The following GNA13 variants were observed in gnomAD, a reference collection of about 807,000 sequenced individuals.
GNA13 encodes the protein G protein subunit alpha 13, also known as guanine nucleotide-binding protein subunit alpha-13.
A neutral mutation model predicts 33.5 loss-of-function variants in GNA13; 4 were observed. That is an observed-to-expected ratio of 0.12 (90% CI 0.06 to 0.27). The LOEUF is 0.27. Ranked by LOEUF, GNA13 falls within the 10% of genes least tolerant of loss-of-function variation. The probability of loss-of-function intolerance (pLI) is 1.00; values close to 1 mark genes in which losing one functional copy is unlikely to be tolerated. For missense variants in GNA13, 319 were observed against 487.2 expected (o/e 0.65, Z 3.25); for synonymous variants, 176 against 183.8 (o/e 0.96, Z 0.34).
intron 2 of GNA13, among the ~76,000 whole-genome samples, chr17:65,039,880 A>T (rs1481183215): frequency 6.6e-6 from 1 of 152,216 alleles, no homozygotes; most frequent in East Asian, 1.9e-4. Context: ...GGCTGCTGAA[A>T]GCTACCAGTG....
intron 2 of GNA13, among the ~76,000 whole-genome samples, chr17:65,046,880 A>G (rs960937163): frequency 2.6e-5 from 4 of 152,202 alleles, no homozygotes; most frequent in African/African-American, 9.7e-5. Flanking sequence ...AGAAAGCAGC[A>G]CAGTATTTTC....
intron 2 of GNA13, among the ~76,000 whole-genome samples, chr17:65,027,658 AAT>A (rs1030054934): frequency 2.6e-5 from 4 of 152,300 alleles, no homozygotes; most frequent in African/African-American, 9.6e-5. Flanking sequence ...AGTGTTAAAT[AAT>A]ATATATGTTT....
chr17:65,026,934 A>G (rs997828800), intron 2 of GNA13, among the ~76,000 whole-genome samples: 1 of 152,106 alleles, frequency 6.6e-6, no homozygotes, highest in Non-Finnish European at 1.5e-5. Context: ...ATGAGCCACC[A>G]TGACCAGTTA....
intron 2 of GNA13, 44 bp from the exon 3 acceptor site, chr17:65,018,347 G>A (rs768130489): frequency 1.0e-6 from 1 of 956,600 alleles, no homozygotes; most frequent in Admixed American, 1.7e-5. Flanking sequence ...GCTTAGAAAT[G>A]GAAGATCTTG....
chr17:65,055,890 A>C, intron 1 of GNA13: 2 of 289,802 alleles, frequency 6.9e-6, no homozygotes, highest in South Asian at 1.3e-4. Context: ...TTCGGCCCAC[A>C]TCGCCCGAGC....
intron 2 of GNA13, among the ~76,000 whole-genome samples, chr17:65,024,299 T>C (rs895468662): frequency 6.6e-6 from 1 of 152,222 alleles, no homozygotes; most frequent in Non-Finnish European, 1.5e-5. Flanking sequence ...TGTGAAAATA[T>C]ATTTTCAAGG....
In GNA13 at chr17:65,009,921, A is replaced by G. The variant is rs1433494464; in HGVS notation, c.*4336T>C. Among the ~76,000 whole-genome samples the G allele has an allele frequency of 6.6e-6, 1 of 152,222 alleles. No homozygotes were observed. Among genetic ancestry groups the G allele is most frequent in the Non-Finnish European group, 1.5e-5 (1 of 68,042 alleles). On this transcript the variant is annotated 3_prime_UTR_variant, in exon 4 of 4. Coordinates refer to ENST00000439174, the MANE Select transcript of GNA13 (RefSeq NM_006572.6). ...CTTTCTTAACACAAACCAAAGTCACATACCAAGTAGTATATGACGTTCAGT... is the reference window on the plus strand; with the variant it reads ...CTTTCTTAACACAAACCAAAGTCACGTACCAAGTAGTATATGACGTTCAGT...
At chr17:65,050,064 A>G (rs553706673) in intron 2 of GNA13, among the ~76,000 whole-genome samples, 4 of 152,336 alleles carry the variant, frequency 2.6e-5, no homozygotes, top group East Asian at 1.9e-4. Context: ...TAAGCTAGCT[A>G]GAGTCTTTAC....
In GNA13 at chr17:65,011,055, AAAGCATAAATAC is replaced by A. The variant is rs1906170225; in HGVS notation, c.*3190_*3201del. The A allele has an allele frequency of 4.9e-6, 1 of 204,090 alleles. No homozygotes were observed. Among genetic ancestry groups the A allele is most frequent in the Admixed American group, 5.9e-5 (1 of 16,814 alleles). 12.6% of individuals were successfully genotyped at this position (204,090 alleles called of 1,614,324 possible). ...TTAATGCTGAAAATACATTTTATCA[AAAGCATAAATAC>A]AAGTATTTGGGTACACATTGAAAGT... On this transcript the variant is annotated 3_prime_UTR_variant, in exon 4 of 4. Coordinates refer to ENST00000439174, the MANE Select transcript of GNA13 (RefSeq NM_006572.6).
chr17:65,031,562 A>G (rs980196600), intron 2 of GNA13, among the ~76,000 whole-genome samples: 4 of 152,226 alleles, frequency 2.6e-5, no homozygotes, highest in African/African-American at 7.2e-5. Flanking sequence ...ATACTTAATC[A>G]CAACTGTGAG....
In GNA13 at chr17:65,013,498, A is replaced by G. The variant is rs1392225358; in HGVS notation, c.*759T>C. ...TTTCACATATGGTACATTAAACTAC[A>G]TGATAATTAAATATGAGAAAGGCAA... On this transcript the variant is annotated 3_prime_UTR_variant, in exon 4 of 4. Coordinates refer to ENST00000439174, the MANE Select transcript of GNA13 (RefSeq NM_006572.6). 4.2e-5 allele frequency: 9 copies of G among 213,576 alleles called. No homozygotes were observed. Among genetic ancestry groups the G allele is most frequent in the African/African-American group, 1.8e-4 (8 of 44,404 alleles). The allele number at this position is 213,576 out of a possible 1,614,324, so 13.2% of individuals were successfully genotyped here. A position where few individuals can be genotyped will look rare whatever the true frequency, so the allele number is the denominator to read the frequency against.
chr17:65,016,630 C>T (rs1019809556), intron 3 of GNA13, among the ~76,000 whole-genome samples: 4 of 152,124 alleles, frequency 2.6e-5, no homozygotes, highest in Admixed American at 6.5e-5. Context: ...CCAATGTGCT[C>T]GGATTATAGG....
intron 2 of GNA13, among the ~76,000 whole-genome samples, chr17:65,025,897 G>A (rs1281736006): frequency 6.6e-6 from 1 of 151,610 alleles, no homozygotes; most frequent in Non-Finnish European, 1.5e-5. Flanking sequence ...GAGGTGGGAG[G>A]ATCACTTGAG....
chr17:65,041,622 T>C (rs1175297630), intron 2 of GNA13, among the ~76,000 whole-genome samples: 1 of 152,008 alleles, frequency 6.6e-6, no homozygotes. Flanking sequence ...GGCAGAGAAA[T>C]GACAGAAAGG....
intron 2 of GNA13, among the ~76,000 whole-genome samples, chr17:65,022,053 T>C (rs1440053480): frequency 6.6e-6 from 1 of 152,200 alleles, no homozygotes; most frequent in Non-Finnish European, 1.5e-5. Context: ...GTCCACAAAC[T>C]ATATAGCCTG....
intron 2 of GNA13, among the ~76,000 whole-genome samples, chr17:65,040,427 T>C (rs569526164): frequency 6.6e-6 from 1 of 152,382 alleles, no homozygotes; most frequent in East Asian, 1.9e-4. Context: ...TTTAACTGAA[T>C]TGGATAAATC....
chr17:65,045,329 G>A (rs2143820552), intron 2 of GNA13, among the ~76,000 whole-genome samples: 1 of 152,106 alleles, frequency 6.6e-6, no homozygotes, highest in East Asian at 1.9e-4. Flanking sequence ...AGACCAGCCT[G>A]GCCAACATGG....
In GNA13 at chr17:65,013,342, T is replaced by C. The variant is rs552163495; in HGVS notation, c.*915A>G. On this transcript the variant is annotated 3_prime_UTR_variant, in exon 4 of 4. Transcript: ENST00000439174. ...CAACAATGATTTCCTACAGTAAGGA[T>C]TGGTCTTTACTGACCAACTGAGATA... The C allele has an allele frequency of 8.6e-5, 18 of 210,014 alleles. 1 individual carries two copies. Among genetic ancestry groups the C allele is most frequent in the African/African-American group, 3.2e-4 (14 of 44,240 alleles). 13.0% of individuals were successfully genotyped at this position (210,014 alleles called of 1,614,324 possible).
At chr17:65,035,032 G>A (rs1380236713) in intron 2 of GNA13, among the ~76,000 whole-genome samples, 4 of 152,146 alleles carry the variant, frequency 2.6e-5, no homozygotes, top group African/African-American at 9.7e-5. Context: ...TGATCCACCC[G>A]CCTTGGCCTC....
Sources: gnomAD v4.1 joint callset for allele counts (sites outside exome capture counted in the v4.1 genomes callset) on GRCh38, gnomAD v4.1.1 for gene constraint, MANE v1.5 for transcripts, NCBI Gene and HGNC (gene_info 2026-07-23, HGNC 2026-07-21) for gene names.